Variants in RBFOX1 observed in about 807,000 individuals in gnomAD.
The protein encoded by RBFOX1 is RNA binding protein fox-1 homolog 1.
Under a neutral mutation model 57.7 loss-of-function variants are expected in RBFOX1, and 8 were observed. The ratio of observed to expected loss-of-function variants is 0.14; its 90% CI spans 0.08 to 0.25. The LOEUF is 0.25. Among genes scored for constraint, RBFOX1 ranks in the 10% least tolerant of loss-of-function variants. The probability of loss-of-function intolerance (pLI) is 1.00; values close to 1 mark genes in which losing one functional copy is unlikely to be tolerated. For synonymous variants in RBFOX1, 326 were observed against 222.4 expected, an observed-to-expected ratio of 1.47 and a Z score of -4.15; for missense variants, 611 against 548.5, an observed-to-expected ratio of 1.11 and a Z score of -1.14.
At chr16:7,233,279 C>G (rs1371720794) in intron 4 of RBFOX1, among the ~76,000 whole-genome samples, 2 of 151,694 alleles carry the variant, frequency 1.3e-5, no homozygotes, top group Admixed American at 6.6e-5. Context: ...GGCTCTATCC[C>G]AAGTGAAAAG....
chr16:6,652,331 C>T (rs992619820), intron 2 of RBFOX1, among the ~76,000 whole-genome samples: 3 of 151,988 alleles, frequency 2.0e-5, no homozygotes, highest in African/African-American at 7.3e-5. Context: ...GTCGGTAGTC[C>T]CAGCTACTCG....
intron 2 of RBFOX1, among the ~76,000 whole-genome samples, chr16:5,569,220 C>T (rs1911498): frequency 1.3e-5 from 2 of 151,912 alleles, no homozygotes; most frequent in African/African-American, 2.4e-5. Flanking sequence ...TTGGTGGAGC[C>T]GGGTAAAATG....
chr16:6,933,483 C>A (rs536199647), intron 3 of RBFOX1, among the ~76,000 whole-genome samples: 26 of 152,230 alleles, frequency 1.7e-4, no homozygotes, highest in Non-Finnish European at 3.1e-4. Context: ...GAAGCCAAGG[C>A]AGGCAGATCA....
intron 1 of RBFOX1, among the ~76,000 whole-genome samples, chr16:6,166,033 G>T (rs112425749): frequency 5.3e-5 from 8 of 152,194 alleles, no homozygotes; most frequent in African/African-American, 1.9e-4. Flanking sequence ...ATACAGTGGA[G>T]TGGAAAGTAT....
intron 2 of RBFOX1, among the ~76,000 whole-genome samples, chr16:6,523,642 C>T (rs115649806): frequency 0.018 from 2,736 of 152,162 alleles, 82 homozygotes; most frequent in African/African-American, 0.062. Context: ...ATCCAATCTT[C>T]AAATACATCA....
intron 4 of RBFOX1, among the ~76,000 whole-genome samples, chr16:7,509,390 CTG>C (rs34760329): frequency 0.25 from 35,836 of 144,772 alleles, 5,028 homozygotes; most frequent in South Asian, 0.39. Flanking sequence ...GAGCCAAGCC[CTG>C]TGTGTGTGTG....
intron 1 of RBFOX1, among the ~76,000 whole-genome samples, chr16:6,233,324 C>T (rs1486475945): frequency 2.6e-5 from 4 of 152,086 alleles, no homozygotes; most frequent in Non-Finnish European, 5.9e-5. Flanking sequence ...CTGTTAATTC[C>T]TTGCATCTCT....
intron 2 of RBFOX1, among the ~76,000 whole-genome samples, chr16:6,571,705 C>G (rs2097347145): frequency 6.6e-6 from 1 of 152,054 alleles, no homozygotes; most frequent in Non-Finnish European, 1.5e-5. Flanking sequence ...GCAAAAGGAT[C>G]AGTCAGGAAA....
chr16:5,646,980 G>A (rs183448298), intron 3 of RBFOX1, among the ~76,000 whole-genome samples: 4 of 152,268 alleles, frequency 2.6e-5, no homozygotes, highest in Admixed American at 1.3e-4. Flanking sequence ...AAAGGGGAGC[G>A]CAGCCGGCGG....
At position 7,548,635 on chromosome 16, in the gene RBFOX1, G is replaced by C. The variant is rs147599227; in HGVS notation, c.270+30246G>C. ...GAGCAGGATGCTCTGGGGCAGGAGCGGGGGGGCAGTCAAACAAGTCCAAAG... is the reference window on the plus strand; with the variant it reads ...GAGCAGGATGCTCTGGGGCAGGAGCCGGGGGGCAGTCAAACAAGTCCAAAG... On this transcript the variant is annotated intron_variant, in intron 5 of 15. Coordinates refer to ENST00000550418, the MANE Select transcript of RBFOX1 (RefSeq NM_018723.4). 5.3e-3 allele frequency among the ~76,000 whole-genome samples: 813 copies of C among 152,156 alleles called. 4 individuals are homozygous for C. The highest frequency in any genetic ancestry group is 8.2e-3 in the Admixed American group (126 of 15,276).
intron 4 of RBFOX1, among the ~76,000 whole-genome samples, chr16:7,119,154 C>T (rs1006696514): frequency 2.6e-5 from 4 of 152,136 alleles, no homozygotes; most frequent in African/African-American, 9.7e-5. Context: ...GAAGACCATG[C>T]ATTTGACTCA....
chr16:7,043,765 A>C (rs1219697035), intron 3 of RBFOX1, among the ~76,000 whole-genome samples: 3 of 152,168 alleles, frequency 2.0e-5, no homozygotes, highest in Non-Finnish European at 2.9e-5. Flanking sequence ...TACTTTCCCC[A>C]GTTCAAGTTA....
chr16:5,630,767 G>T (rs577368030), intron 3 of RBFOX1, among the ~76,000 whole-genome samples: 2 of 152,126 alleles, frequency 1.3e-5, no homozygotes. Flanking sequence ...TCTAACTCTC[G>T]CCTTGGACTT....
At chr16:6,177,760 C>G (rs1326287064) in intron 1 of RBFOX1, among the ~76,000 whole-genome samples, 1 of 152,058 alleles carries the variant, frequency 6.6e-6, no homozygotes, top group Non-Finnish European at 1.5e-5. Context: ...TACACCCAAG[C>G]ACGCAGTCGG....
At chr16:5,559,165 CAAAAAAAAAAA>C (rs35531242) in intron 2 of RBFOX1, among the ~76,000 whole-genome samples, 1 of 65,384 alleles carries the variant, frequency 1.5e-5, no homozygotes, top group African/African-American at 6.4e-5. Context: ...CCCCCCCAGG[CAAAAAAAAAAA>C]AAAAAAAAAA....
At chr16:6,769,604 CTT>C (rs1373463230) in intron 3 of RBFOX1, among the ~76,000 whole-genome samples, 11 of 152,184 alleles carry the variant, frequency 7.2e-5, no homozygotes, top group Non-Finnish European at 1.3e-4. Context: ...ATAAGCAAGA[CTT>C]CTCTATGGCA....
intron 4 of RBFOX1, among the ~76,000 whole-genome samples, chr16:7,118,467 A>T (rs986957228): frequency 1.3e-4 from 20 of 152,106 alleles, no homozygotes; most frequent in Non-Finnish European, 1.6e-4. Flanking sequence ...AAAATTACCT[A>T]TCGGGTACAA....
intron 3 of RBFOX1, among the ~76,000 whole-genome samples, chr16:6,668,697 G>T (rs1488241622): frequency 6.6e-6 from 1 of 152,104 alleles, no homozygotes; most frequent in Non-Finnish European, 1.5e-5. Flanking sequence ...ATTTGTCTAT[G>T]ATGATATTTG....
chr16:6,662,518 A>T (rs1603235214), intron 3 of RBFOX1, among the ~76,000 whole-genome samples: 1 of 152,168 alleles, frequency 6.6e-6, no homozygotes, highest in Non-Finnish European at 1.5e-5. Flanking sequence ...CTTAGATTAG[A>T]TTTCAGGTGG....
Sources: gnomAD v4.1 joint callset for allele counts (sites outside exome capture counted in the v4.1 genomes callset) on GRCh38, gnomAD v4.1.1 for gene constraint, MANE v1.5 for transcripts, NCBI Gene and HGNC (gene_info 2026-07-23, HGNC 2026-07-21) for gene names.